The following TCTN1 variants were observed in gnomAD, a reference collection of about 807,000 sequenced individuals.
TCTN1 encodes the protein tectonic-1.
TCTN1 carries 58 observed loss-of-function variants against 65.8 expected under a neutral mutation model. The observed-to-expected ratio is 0.88, with a 90% confidence interval of 0.71 to 1.10. TCTN1 has a LOEUF of 1.10. Among genes scored for constraint, TCTN1 ranks in the 50% least tolerant of loss-of-function variants. The pLI is 0.00. For missense variants in TCTN1, 645 were observed against 719.4 expected, an observed-to-expected ratio of 0.90 and a Z score of 1.18; for synonymous variants, 273 against 289.1, an observed-to-expected ratio of 0.94 and a Z score of 0.57.
intron 1 of TCTN1, among the ~76,000 whole-genome samples, chr12:110,618,441 G>A (rs371017132): frequency 1.3e-5 from 2 of 152,136 alleles, no homozygotes; most frequent in South Asian, 2.1e-4. Flanking sequence ...GGGTTTCACC[G>A]TGTTAGCCAG....
chr12:110,649,380 GTCT>G lies in TCTN1; in HGVS notation c.*344_*346del. ...TGACAGCACAGGCCCATGAGACAGT[GTCT>G]TCTTTTTGAGGGGAGCTGGTCCGGG... On this transcript the variant is annotated 3_prime_UTR_variant, in exon 15 of 15. Coordinates refer to ENST00000397659, the MANE Select transcript of TCTN1 (RefSeq NM_001082538.3). The G allele has an allele frequency of 1.9e-6, 3 of 1,576,288 alleles. No individual in the cohort carries two copies. The highest frequency in any genetic ancestry group is 1.7e-6 in the Non-Finnish European group (2 of 1,148,600).
At chr12:110,614,476 T>C in intron 1 of TCTN1, 74 bp downstream of exon 1, 1 of 1,547,968 alleles carries the variant, frequency 6.5e-7, no homozygotes. Context: ...GAGGACGTAA[T>C]AATGATAGCT....
intron 14 of TCTN1, 32 bp downstream of exon 14, chr12:110,647,925 G>A: frequency 6.2e-7 from 1 of 1,611,586 alleles, no homozygotes. Flanking sequence ...CTCCTCTGAG[G>A]TCATCCCCTT....
chr12:110,615,727 T>G (rs1182618383), intron 1 of TCTN1, among the ~76,000 whole-genome samples: 1 of 152,128 alleles, frequency 6.6e-6, no homozygotes. Context: ...CAAGTGATCC[T>G]CCCACCTTGG....
intron 2 of TCTN1, among the ~76,000 whole-genome samples, chr12:110,622,851 C>G (rs2135939259): frequency 6.6e-6 from 1 of 152,248 alleles, no homozygotes; most frequent in Admixed American, 6.5e-5. Flanking sequence ...GATCACAAGG[C>G]CAAGCCTGGT....
chr12:110,647,098 C>A, intron 12 of TCTN1, 98 bp from the exon 13 acceptor site: 1 of 1,441,108 alleles, frequency 6.9e-7, no homozygotes, highest in Non-Finnish European at 9.7e-7. Flanking sequence ...TTTTCTTGTT[C>A]AGAACATTTT....
chr12:110,624,583 CTTT>C (rs763826656), intron 2 of TCTN1, among the ~76,000 whole-genome samples: 6 of 133,116 alleles, frequency 4.5e-5, no homozygotes, highest in Admixed American at 7.7e-5. Flanking sequence ...CTCATAACTT[CTTT>C]TTTTTTTTTT....
chr12:110,641,556 A>T lies in TCTN1; in HGVS notation c.1119A>T (p.Pro373=), dbSNP rs2136135794. Residue 373 remains proline (P), a synonymous_variant, in exon 10 of 15, where the codon CCA becomes CCT. Coordinates refer to ENST00000397659, the MANE Select transcript of TCTN1 (RefSeq NM_001082538.3). The part of the protein sequence containing the change: ...EIHFLQENTQ[P]VPLSGNPGYV... ...TTGTCTTTCAGGAAAATACCCAGCCAGTCCCTCTCAGTGGAAACCCTGGTT... is the reference window on the plus strand; with the variant it reads ...TTGTCTTTCAGGAAAATACCCAGCCTGTCCCTCTCAGTGGAAACCCTGGTT... The T allele has an allele frequency of 1.4e-5, 22 of 1,614,252 alleles. No homozygotes were observed. Among genetic ancestry groups the T allele is most frequent in the Non-Finnish European group, 1.9e-5 (22 of 1,180,034 alleles).
At position 110,614,296 on chromosome 12, in the gene TCTN1, C is replaced by T. The variant is rs891808554; in HGVS notation, c.114C>T (p.Thr38=). 4.4e-6 allele frequency: 7 copies of T among 1,599,204 alleles called. No homozygotes were observed. The highest frequency in any genetic ancestry group is 6.0e-6 in the Non-Finnish European group (7 of 1,173,628). The change falls in exon 1 of 15, where the codon ACC becomes ACT. Residue 38 remains threonine, a synonymous_variant. Coordinates refer to ENST00000397659, the MANE Select transcript of TCTN1 (RefSeq NM_001082538.3). Reference sequence around the variant, plus strand: ...TGACGACAGAGGGCCTCAACTCCACCGAGGCAGCCCTGGCCACCTTCGGAA... The same window carrying T: ...TGACGACAGAGGGCCTCAACTCCACTGAGGCAGCCCTGGCCACCTTCGGAA... The part of the protein sequence containing the change: ...PAVTTEGLNS[T]EAALATFGTF...
At chr12:110,629,609 A>T (rs1285237429) in intron 4 of TCTN1, 2 of 152,274 alleles carry the variant, frequency 1.3e-5, no homozygotes, top group Admixed American at 6.5e-5. Context: ...GCTGGAGAGG[A>T]TATGGAGAAA....
rs2066960520 is a variant in TCTN1, at chr12:110,641,640, G to A, written c.1190+13G>A. The A allele has an allele frequency of 1.2e-6, 2 of 1,611,612 alleles. No individual in the cohort carries two copies. Among genetic ancestry groups the A allele is most frequent in the Non-Finnish European group, 8.5e-7 (1 of 1,177,814 alleles). ...AGCCTCATAAGGGATATCCTTTTTGGTTCTGTAGAGGGTGGATTTATTTCT... is the reference window on the plus strand; with the variant it reads ...AGCCTCATAAGGGATATCCTTTTTGATTCTGTAGAGGGTGGATTTATTTCT... On this transcript the variant is annotated intron_variant, in intron 10 of 14. Coordinates refer to ENST00000397659, the MANE Select transcript of TCTN1 (RefSeq NM_001082538.3).
intron 5 of TCTN1, chr12:110,634,359 A>G (rs1365785000): frequency 2.1e-6 from 1 of 465,326 alleles, no homozygotes; most frequent in Non-Finnish European, 4.3e-6. Context: ...AATCTCATGA[A>G]TGTATTCTTT....
chr12:110,640,292 A>G lies in TCTN1; in HGVS notation c.844-91A>G. 1 of 1,539,014 alleles carries G rather than the reference A, an allele frequency of 6.5e-7. No homozygotes were observed. The highest frequency in any genetic ancestry group is 9.0e-7 in the Non-Finnish European group (1 of 1,116,018). On this transcript the variant is annotated intron_variant, in intron 7 of 14. Transcript: ENST00000397659. This position sits in a 1 kb window ranked among gnomAD's most constrained non-coding sequence, Gnocchi z 4.9. ...CATGCTTCCCCCTACTTGGCCATATATCAGGGGAGGTTTCTTTCCAGTTGG... is the reference window on the plus strand; with the variant it reads ...CATGCTTCCCCCTACTTGGCCATATGTCAGGGGAGGTTTCTTTCCAGTTGG...
At chr12:110,632,598 TG>T in intron 5 of TCTN1, 39 bp downstream of exon 5, 1 of 1,604,338 alleles carries the variant, frequency 6.2e-7, no homozygotes, top group Non-Finnish European at 8.5e-7. Flanking sequence ...AGACATTTGC[TG>T]TTATTATTAG....
At chr12:110,638,473 A>C (rs1408810311) in intron 7 of TCTN1, among the ~76,000 whole-genome samples, 1 of 152,228 alleles carries the variant, frequency 6.6e-6, no homozygotes, top group Non-Finnish European at 1.5e-5. Context: ...CATTGTCAGT[A>C]TCTGTGGAGC....
At chr12:110,636,333 G>T in intron 6 of TCTN1, 148 bp from the exon 7 acceptor site, 1 of 597,692 alleles carries the variant, frequency 1.7e-6, no homozygotes. Context: ...CATGCAGATG[G>T]GGAGTCTTGA....
At chr12:110,636,729 A>G (rs147624820) in intron 7 of TCTN1, among the ~76,000 whole-genome samples, 112 of 152,236 alleles carry the variant, frequency 7.4e-4, no homozygotes, top group Admixed American at 4.8e-3. Flanking sequence ...GTACTCTTCC[A>G]TGGTTCAGTG....
At position 110,645,021 on chromosome 12, in the gene TCTN1, G is replaced by A. The variant is rs370730463; in HGVS notation, c.1386G>A (p.Leu462=). ...QLVAQKVKSL[L]WGQGFPDYVA... ...TAGCACAGAAGGTGAAGAGCCTGCT[G>A]TGGGGCCAGGGCTTCCCAGATTACG... Residue 462 remains leucine (L), a synonymous_variant, in exon 12 of 15, where the codon CTG becomes CTA. Transcript: ENST00000397659. The A allele has an allele frequency of 1.8e-5, 29 of 1,614,136 alleles. No homozygotes were observed. The highest frequency in any genetic ancestry group is 2.4e-5 in the Non-Finnish European group (28 of 1,180,050).
At chr12:110,619,183 A>G (rs1007409581) in intron 1 of TCTN1, among the ~76,000 whole-genome samples, 22 of 120,280 alleles carry the variant, frequency 1.8e-4, no homozygotes, top group African/African-American at 8.2e-4. Flanking sequence ...CCTTTAAAAA[A>G]TAAATAAATA....
Sources: allele counts gnomAD v4.1 joint callset (sites outside exome capture counted in the v4.1 genomes callset), GRCh38; gene constraint gnomAD v4.1.1; non-coding constraint Gnocchi (gnomAD v3.1); transcripts MANE v1.5; gene names NCBI Gene and HGNC (gene_info 2026-07-23, HGNC 2026-07-21).